The following RSRP1 variants were observed in gnomAD, a reference collection of about 807,000 sequenced individuals.
RSRP1 encodes the protein arginine/serine-rich protein 1.
Under a neutral mutation model 33.0 loss-of-function variants are expected in RSRP1, and 37 were observed. The ratio of observed to expected loss-of-function variants is 1.12; its 90% CI spans 0.86 to 1.48. RSRP1 has a LOEUF of 1.48. RSRP1 is among the 40% of genes most tolerant of loss of function. The probability of loss-of-function intolerance (pLI) is 0.00; values close to 1 mark genes in which losing one functional copy is unlikely to be tolerated. For synonymous variants in RSRP1, 167 were observed against 158.7 expected, an observed-to-expected ratio of 1.05 and a Z score of -0.40; for missense variants, 402 against 385.3, an observed-to-expected ratio of 1.04 and a Z score of -0.36.
chr1:25,284,650 A>G lies in RSRP1; in HGVS notation c.-66-37621T>C, dbSNP rs1393764439. 1.4e-6 allele frequency: 2 copies of G among 1,388,872 alleles called. 1 individual carries two copies. The allele number at this position is 1,388,872 out of a possible 1,614,324, so 86.0% of individuals were successfully genotyped here. A position where few individuals can be genotyped will look rare whatever the true frequency, so the allele number is the denominator to read the frequency against. On this transcript the variant is annotated intron_variant, in intron 1 of 1. Coordinates refer to the RSRP1 transcript ENST00000561867. ...GAGTTTCCGGAGACACAGCTGGAGC[A>G]GTGTGGCCTTCAACCTCTTCATGCT...
Position 25,278,708 on chromosome 1 carries a change from T to C in RSRP1, c.-66-31679A>G, listed in dbSNP as rs584015. Among the ~76,000 whole-genome samples the C allele has an allele frequency of 1.0e-3, 137 of 132,288 alleles. 14 individuals carry two copies. Among genetic ancestry groups the C allele is most frequent in the Middle Eastern group, 4.1e-3 (1 of 244 alleles). The allele number at this position is 132,288 out of a possible 152,430, so 86.8% of individuals were successfully genotyped here. On this transcript the variant is annotated intron_variant, in intron 1 of 1. Transcript: ENST00000561867. The stretch of plus-strand genomic sequence containing the variant: ...CTCAGTCCCCCATCCCCACCCCATA[T>C]TCCTCAAAGGCAGAGAGAGGGGCTA...
chr1:25,260,079 G>A (rs930142510), intron 1 of RSRP1, among the ~76,000 whole-genome samples: 2 of 152,076 alleles, frequency 1.3e-5, no homozygotes, highest in African/African-American at 2.4e-5. Context: ...ATGAATAAGC[G>A]GTTTTCTTAG....
rs28539567 is a variant in RSRP1 at position 25,255,409 on chromosome 1, A to T, written c.-66-8380T>A. Among the ~76,000 whole-genome samples the T allele has an allele frequency of 7.4e-3, 1,133 of 152,300 alleles. 16 individuals carry two copies. The highest frequency in any genetic ancestry group is 0.025 in the African/African-American group (1,026 of 41,562). On this transcript the variant is annotated intron_variant, in intron 1 of 1. Coordinates refer to the RSRP1 transcript ENST00000561867. Reference sequence around the variant, plus strand: ...ACTTGTCTGGCCCTGTGTAAAGATGAACTGTTCGATCCTCATGCTGACAAC... The same window carrying T: ...ACTTGTCTGGCCCTGTGTAAAGATGTACTGTTCGATCCTCATGCTGACAAC...
At chr1:25,309,890 TTC>T (rs1644051343) in intron 1 of RSRP1, among the ~76,000 whole-genome samples, 1 of 133,534 alleles carries the variant, frequency 7.5e-6, no homozygotes, top group African/African-American at 2.5e-5. Context: ...CTTCATTCAT[TTC>T]TTTTTCCAGA....
chr1:25,332,954 C>G (rs1645036738), intron 1 of RSRP1, among the ~76,000 whole-genome samples: 1 of 131,636 alleles, frequency 7.6e-6, no homozygotes, highest in Admixed American at 7.4e-5. Flanking sequence ...GTCCAAGTCC[C>G]AAAGTCTCAG....
In RSRP1 at chr1:25,271,902, T is replaced by C. The variant is rs991810188; in HGVS notation, c.-66-24873A>G. On this transcript the variant is annotated intron_variant, in intron 1 of 1. Coordinates refer to the RSRP1 transcript ENST00000561867. Reference sequence around the variant, plus strand: ...AGCCAAACCCACATCTCCTTTCTCTTCTGCCACCCCCCCTTAAAATGCTTA... The same window carrying C: ...AGCCAAACCCACATCTCCTTTCTCTCCTGCCACCCCCCCTTAAAATGCTTA... Among the ~76,000 whole-genome samples, 13 of 131,546 alleles carry C rather than the reference T, an allele frequency of 9.9e-5. 2 individuals are homozygous for C. Among genetic ancestry groups the C allele is most frequent in the African/African-American group, 3.1e-4 (12 of 38,718 alleles). 86.3% of individuals were successfully genotyped at this position (131,546 alleles called of 152,430 possible).
chr1:25,308,373 G>C lies in RSRP1; in HGVS notation c.-67+29605C>G, dbSNP rs1268978337. The stretch of plus-strand genomic sequence containing the variant: ...CCCAGACCTACCCAGTTAGAAATCT[G>C]GGGGTGGGACCTATCAGTCCATGTT... On this transcript the variant is annotated intron_variant, in intron 1 of 1. Coordinates refer to the RSRP1 transcript ENST00000561867. Among the ~76,000 whole-genome samples, 14 of 115,656 alleles carry C rather than the reference G, an allele frequency of 1.2e-4. 3 individuals are homozygous for C. Among genetic ancestry groups the C allele is most frequent in the Middle Eastern group, 4.2e-3 (1 of 238 alleles). The allele number at this position is 115,656 out of a possible 152,430, so 75.9% of individuals were successfully genotyped here.
chr1:25,247,347 G>T lies in RSRP1; in HGVS notation c.-105C>A. On this transcript the variant is annotated 5_prime_UTR_variant, in exon 1 of 5. Coordinates refer to ENST00000243189, the MANE Select transcript of RSRP1 (RefSeq NM_020317.5). ...CGCCTCCCTCACGACTGAGAGAAAGGCTCAACAGACGCCTTCCTTTCGGAA... is the reference window on the plus strand; with the variant it reads ...CGCCTCCCTCACGACTGAGAGAAAGTCTCAACAGACGCCTTCCTTTCGGAA... 4.6e-6 allele frequency: 1 copy of T among 219,376 alleles called. No individual in the cohort carries two copies. The highest frequency in any genetic ancestry group is 8.9e-6 in the Non-Finnish European group (1 of 111,858). The allele number at this position is 219,376 out of a possible 1,614,324, so 13.6% of individuals were successfully genotyped here. A position where few individuals can be genotyped will look rare whatever the true frequency, so the allele number is the denominator to read the frequency against.
chr1:25,243,464 A>G (rs1292130704), intron 4 of RSRP1, 86 bp downstream of exon 4: 5 of 1,524,072 alleles, frequency 3.3e-6, no homozygotes, highest in Non-Finnish European at 4.5e-6. Context: ...TAGGCCCCCA[A>G]CTATCACCAC....
At chr1:25,247,645 G>C (rs1420175358), upstream of RSRP1, 1 of 152,266 alleles carries the variant, frequency 6.6e-6, no homozygotes, top group Admixed American at 6.5e-5. Context: ...TCCAGGGGGA[G>C]GTGTTTGATA....
In RSRP1 at chr1:25,321,234, A is replaced by T. The variant is rs1426982403; in HGVS notation, c.-67+16744T>A. On this transcript the variant is annotated intron_variant, in intron 1 of 1. Transcript: ENST00000561867. ...TTGGAGTCACCCTCCATAGTAGCCCATATGTCTTACATGGATCAGCTTTCG... is the reference window on the plus strand; with the variant it reads ...TTGGAGTCACCCTCCATAGTAGCCCTTATGTCTTACATGGATCAGCTTTCG... Among the ~76,000 whole-genome samples the T allele has an allele frequency of 3.1e-4, 40 of 127,780 alleles. 3 individuals carry two copies. The highest frequency in any genetic ancestry group is 8.8e-4 in the African/African-American group (33 of 37,714). The allele number at this position is 127,780 out of a possible 152,430, so 83.8% of individuals were successfully genotyped here. A position where few individuals can be genotyped will look rare whatever the true frequency, so the allele number is the denominator to read the frequency against.
chr1:25,329,106 A>G (rs1206964858), intron 1 of RSRP1: 1 of 1,244,958 alleles, frequency 8.0e-7, no homozygotes, highest in Non-Finnish European at 1.1e-6. Flanking sequence ...GAATCTCACC[A>G]TTTATTATGC....
In RSRP1 at chr1:25,329,772, G is replaced by C. The variant is rs573663814; in HGVS notation, c.-67+8206C>G. The C allele has an allele frequency of 3.8e-5, 5 of 130,266 alleles. No individual in the cohort carries two copies. The East Asian group carries it at 9.8e-4, about 26-fold the overall frequency. The allele number at this position is 130,266 out of a possible 1,614,324, so 8.1% of individuals were successfully genotyped here. ...AGGTTCAAGCAATTCTCCTGCCTCA[G>C]CCTCCCGAGTAGCTGGAATTACAAG... On this transcript the variant is annotated intron_variant, in intron 1 of 1. Transcript: ENST00000561867.
At chr1:25,248,002 CAGG>C (rs1639620370), upstream of RSRP1, 2 of 152,494 alleles carry the variant, frequency 1.3e-5, no homozygotes, top group East Asian at 3.9e-4. Context: ...ACCGCGGCGC[CAGG>C]AGAAGGCGAC....
intron 1 of RSRP1, among the ~76,000 whole-genome samples, chr1:25,336,845 C>G (rs1303087330): frequency 6.7e-6 from 1 of 148,320 alleles, no homozygotes; most frequent in Admixed American, 6.6e-5. Flanking sequence ...TAAAAACAGG[C>G]TATAGATTGT....
chr1:25,306,687 T>C lies in RSRP1; in HGVS notation c.-67+31291A>G, dbSNP rs1263395054. 3 of 1,378,440 alleles carry C rather than the reference T, an allele frequency of 2.2e-6. 1 individual carries two copies. The highest frequency in any genetic ancestry group is 1.8e-5 in the Admixed American group (1 of 56,170). The allele number at this position is 1,378,440 out of a possible 1,614,324, so 85.4% of individuals were successfully genotyped here. A position where few individuals can be genotyped will look rare whatever the true frequency, so the allele number is the denominator to read the frequency against. ...GGTCTGCTTGGAGAGATCATCTACA[T>C]TGTGCTGCTGGTGCTTGATACCGTC... On this transcript the variant is annotated intron_variant, in intron 1 of 1. Transcript: ENST00000561867.
Position 25,315,795 on chromosome 1 carries a change from CTTAA to C in RSRP1, c.-67+22179_-67+22182del, listed in dbSNP as rs1487248856. 1.1e-4 allele frequency among the ~76,000 whole-genome samples: 14 copies of C among 130,920 alleles called. 4 individuals carry two copies. Among genetic ancestry groups the C allele is most frequent in the Admixed American group, 1.0e-3 (14 of 13,432 alleles). The allele number at this position is 130,920 out of a possible 152,430, so 85.9% of individuals were successfully genotyped here. On this transcript the variant is annotated intron_variant, in intron 1 of 1. Coordinates refer to the RSRP1 transcript ENST00000561867. Reference sequence around the variant, plus strand: ...ACAGGTGTGAGCCACCACACCCGGCCTTAATTTATTTTTCTAGTCTGCAGGTAAT... The same window carrying C: ...ACAGGTGTGAGCCACCACACCCGGCCTTTATTTTTCTAGTCTGCAGGTAAT...
intron 1 of RSRP1, among the ~76,000 whole-genome samples, chr1:25,330,722 A>G (rs1280596959): frequency 7.6e-6 from 1 of 131,528 alleles, no homozygotes; most frequent in African/African-American, 2.6e-5. Flanking sequence ...GAAATCCTTA[A>G]GCGTTGTATT....
chr1:25,243,921 A>T, intron 3 of RSRP1: 1 of 1,185,596 alleles, frequency 8.4e-7, no homozygotes, highest in East Asian at 5.3e-5. Flanking sequence ...TGAAATGTAA[A>T]GCCACATCAG....
Sources: allele counts gnomAD v4.1 joint callset (sites outside exome capture counted in the v4.1 genomes callset), GRCh38; gene constraint gnomAD v4.1.1; transcripts MANE v1.5; gene names NCBI Gene and HGNC (gene_info 2026-07-23, HGNC 2026-07-21).